Variants in GOLPH3L observed in about 807,000 individuals in gnomAD.
GOLPH3L encodes the protein Golgi phosphoprotein 3-like.
Under a neutral mutation model 30.3 loss-of-function variants are expected in GOLPH3L, and 22 were observed. That is an observed-to-expected ratio of 0.73 (90% CI 0.52 to 1.04). The LOEUF (loss-of-function observed/expected upper bound fraction) is 1.04. Ranked by LOEUF, GOLPH3L falls within the 50% of genes least tolerant of loss-of-function variation. GOLPH3L has a pLI of 0.00. For missense variants in GOLPH3L, 303 were observed against 345.8 expected, an observed-to-expected ratio of 0.88 and a Z score of 0.98; for synonymous variants, 120 against 128.2, an observed-to-expected ratio of 0.94 and a Z score of 0.43.
At chr1:150,687,319 T>G (rs2101817475) in intron 2 of GOLPH3L, among the ~76,000 whole-genome samples, 1 of 152,248 alleles carries the variant, frequency 6.6e-6, no homozygotes, top group East Asian at 1.9e-4. Context: ...GGCTCACATC[T>G]GTAATCCCAG....
At chr1:150,684,598 A>G (rs1327794075) in intron 2 of GOLPH3L, among the ~76,000 whole-genome samples, 1 of 152,216 alleles carries the variant, frequency 6.6e-6, no homozygotes, top group Non-Finnish European at 1.5e-5. Flanking sequence ...CATGGGTTCT[A>G]ATCTATAGCT....
chr1:150,651,741 A>C (rs1426238855), intron 4 of GOLPH3L, among the ~76,000 whole-genome samples: 1 of 151,890 alleles, frequency 6.6e-6, no homozygotes, highest in Non-Finnish European at 1.5e-5. Flanking sequence ...GAATTAGCAA[A>C]CTTAGAGATC....
At chr1:150,658,292 C>T (rs1167230821) in intron 4 of GOLPH3L, among the ~76,000 whole-genome samples, 1 of 152,194 alleles carries the variant, frequency 6.6e-6, no homozygotes, top group Non-Finnish European at 1.5e-5. Flanking sequence ...CAACCAGTCG[C>T]AATGAGTAAT....
chr1:150,648,192 C>G lies in GOLPH3L; in HGVS notation c.*129G>C. 1 of 685,910 alleles carries G rather than the reference C, an allele frequency of 1.5e-6. No individual in the cohort carries two copies. Among genetic ancestry groups the G allele is most frequent in the Non-Finnish European group, 2.4e-6 (1 of 411,090 alleles). 42.5% of individuals were successfully genotyped at this position (685,910 alleles called of 1,614,324 possible). A position where few individuals can be genotyped will look rare whatever the true frequency, so the allele number is the denominator to read the frequency against. On this transcript the variant is annotated 3_prime_UTR_variant, in exon 5 of 5. Transcript: ENST00000271732. ...TGGAGAAGCCCTGAAGTTGCTCTCC[C>G]CAAATCACAAGTCTGATTCAAGAAA...
intron 1 of GOLPH3L, among the ~76,000 whole-genome samples, chr1:150,695,696 T>C (rs1283317833): frequency 6.6e-6 from 1 of 152,198 alleles, no homozygotes; most frequent in East Asian, 1.9e-4. Context: ...TATATTTCCT[T>C]CCCATACCCT....
chr1:150,668,919 A>C (rs1431271467), intron 2 of GOLPH3L, among the ~76,000 whole-genome samples: 2 of 152,148 alleles, frequency 1.3e-5, no homozygotes, highest in Non-Finnish European at 2.9e-5. Flanking sequence ...TTTCCTCCTG[A>C]CCATGTAACT....
chr1:150,681,788 T>C (rs1290506164), intron 2 of GOLPH3L, among the ~76,000 whole-genome samples: 1 of 152,152 alleles, frequency 6.6e-6, no homozygotes, highest in East Asian at 1.9e-4. Context: ...CATCTGTGGC[T>C]GGGCATGGTG....
intron 2 of GOLPH3L, among the ~76,000 whole-genome samples, chr1:150,691,831 C>T (rs1316981149): frequency 6.6e-6 from 1 of 150,636 alleles, no homozygotes; most frequent in Non-Finnish European, 1.5e-5. Flanking sequence ...GAGAAATATA[C>T]ATGTTGTATA....
intron 4 of GOLPH3L, among the ~76,000 whole-genome samples, chr1:150,657,133 G>A (rs754885484): frequency 2.6e-5 from 4 of 152,152 alleles, no homozygotes; most frequent in South Asian, 2.1e-4. Context: ...GCTCAGTTAC[G>A]ATTTCATACA....
chr1:150,668,428 G>A (rs1345396407), intron 2 of GOLPH3L, among the ~76,000 whole-genome samples: 3 of 152,104 alleles, frequency 2.0e-5, no homozygotes, highest in African/African-American at 7.2e-5. Flanking sequence ...TGTCGCCCAG[G>A]CTGGGGTGCA....
chr1:150,689,423 C>T (rs1305190083), intron 2 of GOLPH3L, among the ~76,000 whole-genome samples: 1 of 152,114 alleles, frequency 6.6e-6, no homozygotes, highest in Non-Finnish European at 1.5e-5. Flanking sequence ...AAAACTCTTA[C>T]CAAAGGCAAT....
At chr1:150,692,041 A>G (rs1345332112) in intron 2 of GOLPH3L, among the ~76,000 whole-genome samples, 2 of 152,088 alleles carry the variant, frequency 1.3e-5, no homozygotes, top group Non-Finnish European at 2.9e-5. Flanking sequence ...ACCATATACT[A>G]TACTATTTTA....
At chr1:150,670,466 G>A (rs1650619556) in intron 2 of GOLPH3L, among the ~76,000 whole-genome samples, 2 of 151,370 alleles carry the variant, frequency 1.3e-5, no homozygotes, top group Admixed American at 6.6e-5. Flanking sequence ...GCGTGGTGGC[G>A]GGTGCCTGTA....
chr1:150,654,052 C>T lies in GOLPH3L; in HGVS notation c.431-5304G>A, dbSNP rs1007457889. ...TGCTGGGATTACAGGTGTGAGCCAC[C>T]GCACCCAGCCACAACTGTCTTAAAG... On this transcript the variant is annotated intron_variant, in intron 4 of 4. Transcript: ENST00000271732. Among the ~76,000 whole-genome samples, 12 of 151,598 alleles carry T rather than the reference C, an allele frequency of 7.9e-5. No homozygotes were observed. The East Asian group carries it at 1.2e-3, about 15-fold the overall frequency.
intron 2 of GOLPH3L, among the ~76,000 whole-genome samples, chr1:150,685,814 A>G (rs1242964542): frequency 6.6e-6 from 1 of 151,948 alleles, no homozygotes; most frequent in Non-Finnish European, 1.5e-5. Context: ...ATCCTGAACA[A>G]TTCTCTTTAT....
rs1200850847 is a variant in GOLPH3L, at chr1:150,648,357, C to A, written c.822G>T (p.Met274Ile). The A allele has an allele frequency of 6.2e-7, 1 of 1,613,166 alleles. No individual in the cohort carries two copies. Residue 274 changes from methionine (M) to isoleucine (I), a missense_variant, in exon 5 of 5, where the codon ATG becomes ATT. Physicochemically the swap from Met to Ile is conservative, Grantham distance 10. Coordinates refer to ENST00000271732, the MANE Select transcript of GOLPH3L (RefSeq NM_018178.6). ...TGAAGGCTGCCAGCACAGCCCAGAT[C>A]ATTTCTGTGGCACTAGGCTTTGTCC... The part of the protein sequence containing the change: ...VEGTKPSATE[M>I]IWAVLAAFNK...
At chr1:150,663,294 C>T (rs1650416379) in intron 3 of GOLPH3L, among the ~76,000 whole-genome samples, 4 of 152,100 alleles carry the variant, frequency 2.6e-5, no homozygotes, top group Non-Finnish European at 4.4e-5. Context: ...CCCGCCTCGG[C>T]CTCTCAAAGT....
chr1:150,649,059 C>G (rs1650046543), intron 4 of GOLPH3L, among the ~76,000 whole-genome samples: 1 of 152,182 alleles, frequency 6.6e-6, no homozygotes, highest in Admixed American at 6.5e-5. Flanking sequence ...ACCAGTCTCT[C>G]CCAGATGATT....
At chr1:150,683,734 G>T (rs6696519) in intron 2 of GOLPH3L, among the ~76,000 whole-genome samples, 2 of 41,636 alleles carry the variant, frequency 4.8e-5, no homozygotes, top group African/African-American at 8.2e-5. Context: ...AAAAAAAAAA[G>T]AGAGATACTC....
Sources: gnomAD v4.1 joint callset for allele counts (sites outside exome capture counted in the v4.1 genomes callset) on GRCh38, gnomAD v4.1.1 for gene constraint, MANE v1.5 for transcripts, NCBI Gene and HGNC (gene_info 2026-07-23, HGNC 2026-07-21) for gene names.